The following ARHGAP42 variants were observed in gnomAD, a reference collection of about 807,000 sequenced individuals.
ARHGAP42 encodes Rho GTPase activating protein 42, also known as rho GTPase-activating protein 42.
A neutral mutation model predicts 125.0 loss-of-function variants in ARHGAP42; 63 were observed. The ratio of observed to expected loss-of-function variants is 0.50; its 90% CI spans 0.41 to 0.62. The LOEUF is 0.62. ARHGAP42 is among the 20% of genes least tolerant of loss of function. The pLI, the probability that ARHGAP42 is intolerant of heterozygous loss-of-function variation, is 0.00. For synonymous variants in ARHGAP42, 339 were observed against 351.0 expected, an observed-to-expected ratio of 0.97 and a Z score of 0.38; for missense variants, 766 against 1,024.2, an observed-to-expected ratio of 0.75 and a Z score of 3.44.
intron 3 of ARHGAP42, among the ~76,000 whole-genome samples, chr11:100,818,866 G>A (rs769878251): frequency 2.6e-5 from 4 of 152,158 alleles, no homozygotes; most frequent in Non-Finnish European, 5.9e-5. Flanking sequence ...GCCAGATTAT[G>A]TAGAGGTAGA....
intron 1 of ARHGAP42, among the ~76,000 whole-genome samples, chr11:100,730,273 C>T (rs890994526): frequency 2.3e-4 from 35 of 151,842 alleles, no homozygotes; most frequent in Admixed American, 2.6e-4. Flanking sequence ...CAAACTGCAT[C>T]ATGGTTTTTT....
chr11:100,908,300 C>T (rs1866806113), intron 4 of ARHGAP42, among the ~76,000 whole-genome samples: 1 of 152,114 alleles, frequency 6.6e-6, no homozygotes, highest in Non-Finnish European at 1.5e-5. Flanking sequence ...TTGAGTTGGC[C>T]TCTTTTAAAA....
intron 5 of ARHGAP42, among the ~76,000 whole-genome samples, chr11:100,916,616 T>A (rs1867072956): frequency 6.6e-6 from 1 of 152,198 alleles, no homozygotes; most frequent in Admixed American, 6.5e-5. Context: ...GGCACACTTT[T>A]GTTCTCCTGG....
At chr11:100,979,449 C>A (rs1460913993) in intron 22 of ARHGAP42, among the ~76,000 whole-genome samples, 1 of 152,032 alleles carries the variant, frequency 6.6e-6, no homozygotes, top group Non-Finnish European at 1.5e-5. Flanking sequence ...TTAAGGATCT[C>A]AGAGATGTTG....
intron 1 of ARHGAP42, among the ~76,000 whole-genome samples, chr11:100,694,651 G>A (rs1861243884): frequency 6.6e-6 from 1 of 152,196 alleles, no homozygotes; most frequent in South Asian, 2.1e-4. Context: ...CCCAGCATCT[G>A]ATAATCCTTA....
intron 2 of ARHGAP42, among the ~76,000 whole-genome samples, chr11:100,775,821 TAAATC>T (rs1309301572): frequency 6.6e-6 from 1 of 152,230 alleles, no homozygotes; most frequent in African/African-American, 2.4e-5. Flanking sequence ...GAAATCATTT[TAAATC>T]AAAGATTAAA....
chr11:100,806,088 C>T (rs1301867859), intron 3 of ARHGAP42, among the ~76,000 whole-genome samples: 1 of 152,126 alleles, frequency 6.6e-6, no homozygotes, highest in Non-Finnish European at 1.5e-5. Flanking sequence ...TCTGATAATA[C>T]TTAGTCATAT....
At chr11:100,771,341 T>C (rs1020808217) in intron 2 of ARHGAP42, among the ~76,000 whole-genome samples, 1 of 152,178 alleles carries the variant, frequency 6.6e-6, no homozygotes, top group African/African-American at 2.4e-5. Flanking sequence ...CTTTTTATTG[T>C]TTGAAGGTCT....
chr11:100,919,672 G>C (rs1405743412), intron 5 of ARHGAP42, among the ~76,000 whole-genome samples: 1 of 151,980 alleles, frequency 6.6e-6, no homozygotes, highest in African/African-American at 2.4e-5. Context: ...AAAGTGCTGG[G>C]ATTACAGATG....
chr11:100,933,147 T>A lies in ARHGAP42; in HGVS notation c.598-9T>A, dbSNP rs1463449214. 1 of 1,534,926 alleles carries A rather than the reference T, an allele frequency of 6.5e-7. No homozygotes were observed. The highest frequency in any genetic ancestry group is 1.4e-5 in the African/African-American group (1 of 72,488). On this transcript the variant is annotated splice_polypyrimidine_tract_variant and intron_variant, in intron 6 of 23. Transcript: ENST00000298815. ...TTTTCATGGTTTCTTTATCTCTTTA[T>A]CTTTGCAGCTTTTGTCATTTCTTCA...
intron 4 of ARHGAP42, among the ~76,000 whole-genome samples, chr11:100,888,629 TA>T (rs1470260058): frequency 2.6e-5 from 4 of 152,328 alleles, no homozygotes; most frequent in Non-Finnish European, 5.9e-5. Context: ...AAAAAAGGCT[TA>T]AAATAATAAC....
At chr11:100,874,089 G>A (rs553461589) in intron 4 of ARHGAP42, among the ~76,000 whole-genome samples, 1 of 152,328 alleles carries the variant, frequency 6.6e-6, no homozygotes, top group South Asian at 2.1e-4. Flanking sequence ...AGGTTTGGAT[G>A]TTCAGGTGCA....
At chr11:100,763,213 T>C (rs1369450991) in intron 1 of ARHGAP42, among the ~76,000 whole-genome samples, 3 of 152,010 alleles carry the variant, frequency 2.0e-5, no homozygotes, top group Non-Finnish European at 4.4e-5. Flanking sequence ...ATTTCCGACC[T>C]CAGGTGATCC....
At chr11:100,807,397 C>T (rs959146761) in intron 3 of ARHGAP42, among the ~76,000 whole-genome samples, 2 of 150,938 alleles carry the variant, frequency 1.3e-5, no homozygotes, top group South Asian at 2.1e-4. Flanking sequence ...GCTTTCACCA[C>T]GTTGGCAAGG....
chr11:100,932,145 G>A (rs756000017), intron 6 of ARHGAP42, among the ~76,000 whole-genome samples: 1 of 152,168 alleles, frequency 6.6e-6, no homozygotes, highest in Non-Finnish European at 1.5e-5. Context: ...GTGTTTATCT[G>A]TTGGAAATCA....
At chr11:100,744,817 A>G (rs1862263798) in intron 1 of ARHGAP42, among the ~76,000 whole-genome samples, 1 of 152,114 alleles carries the variant, frequency 6.6e-6, no homozygotes. Context: ...AAGAAATAGC[A>G]CTTGAATATA....
At chr11:100,944,154 T>C (rs519235) in intron 10 of ARHGAP42, among the ~76,000 whole-genome samples, 134,101 of 152,032 alleles carry the variant, frequency 0.88, 59,228 homozygotes, top group East Asian at 1. Flanking sequence ...GTCCCCATCA[T>C]CATGAAGGAA....
chr11:100,904,929 C>G (rs1866679404), intron 4 of ARHGAP42, among the ~76,000 whole-genome samples: 1 of 152,162 alleles, frequency 6.6e-6, no homozygotes, highest in Non-Finnish European at 1.5e-5. Context: ...TAATTGTTCT[C>G]CCAGTCTTGG....
chr11:100,877,287 C>A (rs969030595), intron 4 of ARHGAP42, among the ~76,000 whole-genome samples: 1 of 152,134 alleles, frequency 6.6e-6, no homozygotes, highest in Non-Finnish European at 1.5e-5. Flanking sequence ...CCCAGTATAT[C>A]TTTTCTTGTC....
Sources: gnomAD v4.1 joint callset for allele counts (sites outside exome capture counted in the v4.1 genomes callset) on GRCh38, gnomAD v4.1.1 for gene constraint, MANE v1.5 for transcripts, NCBI Gene and HGNC (gene_info 2026-07-23, HGNC 2026-07-21) for gene names.